Variants in RAB27B observed in about 807,000 individuals in gnomAD.
RAB27B encodes RAB27B, member RAS oncogene family, also known as ras-related protein Rab-27B.
Under a neutral mutation model 24.6 loss-of-function variants are expected in RAB27B, and 15 were observed. The observed-to-expected ratio is 0.61, with a 90% CI of 0.41 to 0.94. The LOEUF is 0.94. Ranked by LOEUF, RAB27B falls within the 40% of genes least tolerant of loss-of-function variation. RAB27B has a pLI of 0.00. For synonymous variants in RAB27B, 105 were observed against 92.5 expected (o/e 1.14, Z -0.78); for missense variants, 261 against 266.8 (o/e 0.98, Z 0.15).
intron 4 of RAB27B, among the ~76,000 whole-genome samples, chr18:54,886,121 C>T (rs61569704): frequency 4.6e-5 from 7 of 151,948 alleles, no homozygotes; most frequent in African/African-American, 1.5e-4. Flanking sequence ...ACTTCTACAC[C>T]CACTTCAAGT....
chr18:54,809,627 G>A (rs1909901153), intron 2 of RAB27B, among the ~76,000 whole-genome samples: 2 of 152,220 alleles, frequency 1.3e-5, no homozygotes, highest in Non-Finnish European at 2.9e-5. Flanking sequence ...TAATGCATAA[G>A]TCAAAACCAA....
chr18:54,854,634 A>G (rs1200539148), intron 1 of RAB27B, among the ~76,000 whole-genome samples: 1 of 152,226 alleles, frequency 6.6e-6, no homozygotes, highest in Non-Finnish European at 1.5e-5. Flanking sequence ...AGAACTCAAC[A>G]TAGCTGAAAT....
intron 2 of RAB27B, among the ~76,000 whole-genome samples, chr18:54,879,078 A>C (rs1912818021): frequency 6.6e-6 from 1 of 152,172 alleles, no homozygotes; most frequent in Non-Finnish European, 1.5e-5. Context: ...TTGTATTTGA[A>C]CCTAGAACTT....
At chr18:54,732,121 A>C (rs2144993317) in intron 2 of RAB27B, among the ~76,000 whole-genome samples, 1 of 152,200 alleles carries the variant, frequency 6.6e-6, no homozygotes, top group East Asian at 1.9e-4. Context: ...GAAAGATATA[A>C]ATCTTGTCTC....
intron 1 of RAB27B, among the ~76,000 whole-genome samples, chr18:54,855,232 G>A (rs185895606): frequency 1.2e-3 from 183 of 152,274 alleles, no homozygotes; most frequent in African/African-American, 4.2e-3. Flanking sequence ...GAGCTCAGAC[G>A]GTAATTTGAG....
At chr18:54,855,555 T>C (rs749705762) in intron 1 of RAB27B, among the ~76,000 whole-genome samples, 2 of 152,172 alleles carry the variant, frequency 1.3e-5, no homozygotes, top group African/African-American at 2.4e-5. Flanking sequence ...CCCTCTTCAG[T>C]AGTCTTACCC....
chr18:54,748,789 T>C (rs573592826), intron 2 of RAB27B, among the ~76,000 whole-genome samples: 1 of 152,326 alleles, frequency 6.6e-6, no homozygotes, highest in South Asian at 2.1e-4. Context: ...GAAAAAGGTA[T>C]ACAGCATTTA....
chr18:54,786,537 T>C (rs1396011475), intron 2 of RAB27B, among the ~76,000 whole-genome samples: 1 of 152,244 alleles, frequency 6.6e-6, no homozygotes, highest in Non-Finnish European at 1.5e-5. Flanking sequence ...TGTCTTTCAA[T>C]ACTTAATTAA....
rs1402385546 is a variant in RAB27B at position 54,894,962 on chromosome 18, T to C, written c.*5549T>C. 1 of 152,084 alleles carries C rather than the reference T, an allele frequency of 6.6e-6. No individual in the cohort carries two copies. The highest frequency in any genetic ancestry group is 1.5e-5 in the Non-Finnish European group (1 of 67,976). The allele number at this position is 152,084 out of a possible 1,614,324, so 9.4% of individuals were successfully genotyped here. On this transcript the variant is annotated 3_prime_UTR_variant, in exon 6 of 6. Transcript: ENST00000262094. ...TACATCTCATTATTGACAAAATATG[T>C]CATCTTGTATTTATTTCAAGGAAAC...
At chr18:54,767,869 A>T (rs892144155) in intron 2 of RAB27B, among the ~76,000 whole-genome samples, 3 of 152,138 alleles carry the variant, frequency 2.0e-5, no homozygotes, top group Admixed American at 1.3e-4. Context: ...TTGTAAAGGG[A>T]TGTTTGTTCC....
intron 2 of RAB27B, among the ~76,000 whole-genome samples, chr18:54,807,635 AC>A (rs1185144507): frequency 6.6e-6 from 1 of 152,122 alleles, no homozygotes; most frequent in Non-Finnish European, 1.5e-5. Context: ...AAGGAATGAC[AC>A]CTTTGTGGTA....
intron 5 of RAB27B, among the ~76,000 whole-genome samples, chr18:54,888,562 C>A (rs1490431692): frequency 6.6e-6 from 1 of 151,908 alleles, no homozygotes; most frequent in Admixed American, 6.6e-5. Context: ...GAAATAATCC[C>A]TGACAAGGGT....
At chr18:54,755,945 TAAAG>T (rs1011575590) in intron 2 of RAB27B, among the ~76,000 whole-genome samples, 8 of 152,146 alleles carry the variant, frequency 5.3e-5, no homozygotes, top group South Asian at 2.1e-4. Context: ...ATGTTTGAAA[TAAAG>T]AAACAACCAG....
At chr18:54,756,708 G>A (rs1279732797) in intron 2 of RAB27B, among the ~76,000 whole-genome samples, 2 of 152,138 alleles carry the variant, frequency 1.3e-5, no homozygotes, top group East Asian at 3.9e-4. Context: ...TACTGTACCA[G>A]ATATTTATGT....
intron 3 of RAB27B, 65 bp downstream of exon 3, chr18:54,879,519 C>A (rs1328660021): frequency 1.5e-6 from 2 of 1,299,422 alleles, no homozygotes; most frequent in Non-Finnish European, 2.2e-6. Context: ...AAAATGAATT[C>A]TGTATGTGAA....
chr18:54,815,778 C>T lies in RAB27B; in HGVS notation c.-19-61789C>T, dbSNP rs190755509. ...TAAAGTTATAGCTCATTATGTTCCA[C>T]CATGCCTAGCTAATTTTGTATTTTT... On this transcript the variant is annotated intron_variant, in intron 2 of 4. Coordinates refer to the RAB27B transcript ENST00000586570. Among the ~76,000 whole-genome samples the T allele has an allele frequency of 9.4e-4, 143 of 152,240 alleles. 1 individual carries two copies. In the Middle Eastern group the frequency reaches 0.01, roughly 11 times the overall value.
chr18:54,721,912 A>G (rs902208951), intron 2 of RAB27B, among the ~76,000 whole-genome samples: 1 of 152,192 alleles, frequency 6.6e-6, no homozygotes, highest in African/African-American at 2.4e-5. Flanking sequence ...CGGTGCTACA[A>G]CAGCAAGTGT....
intron 2 of RAB27B, among the ~76,000 whole-genome samples, chr18:54,794,780 C>CT (rs1279328216): frequency 6.6e-6 from 1 of 152,168 alleles, no homozygotes; most frequent in Non-Finnish European, 1.5e-5. Context: ...AGTTTCTGGG[C>CT]TCCCCCCAAC....
intron 2 of RAB27B, among the ~76,000 whole-genome samples, chr18:54,785,787 C>T (rs1050563156): frequency 1.3e-5 from 2 of 152,096 alleles, no homozygotes. Flanking sequence ...GGAGAAAATG[C>T]AATGCATGTG....
Sources: gnomAD v4.1 joint callset for allele counts (sites outside exome capture counted in the v4.1 genomes callset) on GRCh38, gnomAD v4.1.1 for gene constraint, MANE v1.5 for transcripts, NCBI Gene and HGNC (gene_info 2026-07-23, HGNC 2026-07-21) for gene names.